CAST: variants seen among roughly 807,000 people sequenced by gnomAD.
The protein encoded by CAST is calpastatin.
CAST carries 76 observed loss-of-function variants against 119.6 expected under a neutral mutation model. The ratio of observed to expected loss-of-function variants is 0.64; its 90% confidence interval spans 0.53 to 0.77. CAST has a LOEUF of 0.77. CAST is among the 30% of genes least tolerant of loss of function. The probability of loss-of-function intolerance (pLI) is 0.00; values close to 1 mark genes in which losing one functional copy is unlikely to be tolerated. For synonymous variants in CAST, 319 were observed against 331.6 expected, an observed-to-expected ratio of 0.96 and a Z score of 0.41; for missense variants, 953 against 946.5, an observed-to-expected ratio of 1.01 and a Z score of -0.09.
At chr5:96,671,780 G>A (rs915222656) in intron 1 of CAST, among the ~76,000 whole-genome samples, 2 of 152,224 alleles carry the variant, frequency 1.3e-5, no homozygotes, top group African/African-American at 4.8e-5. Flanking sequence ...GCAGTTACAC[G>A]TAGTAGTGGT....
At chr5:96,559,741 G>T (rs1399391336) in intron 1 of CAST, among the ~76,000 whole-genome samples, 2 of 152,178 alleles carry the variant, frequency 1.3e-5, no homozygotes, top group Non-Finnish European at 2.9e-5. Flanking sequence ...CATGCTCATG[G>T]GTAGGAAGAA....
At chr5:96,062,909 G>A in the CAST span, among the ~76,000 whole-genome samples, 1 of 152,044 alleles carries the variant, frequency 6.6e-6, no homozygotes, top group Non-Finnish European at 1.5e-5. Context: ...GGATGAAGAG[G>A]GTCAAGAATG....
intron 4 of CAST, among the ~76,000 whole-genome samples, chr5:96,725,142 G>A (rs915093014): frequency 6.6e-6 from 1 of 152,160 alleles, no homozygotes; most frequent in African/African-American, 2.4e-5. Flanking sequence ...ACAAAAATAA[G>A]ATGCACGTAA....
the CAST span, among the ~76,000 whole-genome samples, chr5:96,477,785 C>G: frequency 6.6e-6 from 1 of 152,072 alleles, no homozygotes. Context: ...ATCAAGGGTT[C>G]TAAAAAGAGG....
At chr5:96,102,639 A>G in the CAST span, among the ~76,000 whole-genome samples, 3 of 151,582 alleles carry the variant, frequency 2.0e-5, no homozygotes, top group Admixed American at 6.6e-5. Flanking sequence ...TCCGGCCTCT[A>G]TCACTGTTAT....
the CAST span, among the ~76,000 whole-genome samples, chr5:96,519,517 A>G: frequency 6.6e-6 from 1 of 152,270 alleles, no homozygotes; most frequent in Admixed American, 6.5e-5. Flanking sequence ...CTTTTAATTG[A>G]AAGTTTGTCG....
the CAST span, among the ~76,000 whole-genome samples, chr5:96,249,112 A>C: frequency 6.6e-6 from 1 of 152,206 alleles, no homozygotes; most frequent in African/African-American, 2.4e-5. Flanking sequence ...TTTGTATGTC[A>C]TGGGGTGATA....
At chr5:96,043,913 C>T in the CAST span, among the ~76,000 whole-genome samples, 18 of 152,206 alleles carry the variant, frequency 1.2e-4, 1 homozygote, top group East Asian at 7.7e-4. Flanking sequence ...CAAACAAAAG[C>T]CCTGCTTCAC....
intron 19 of CAST, 152 bp downstream of exon 19, chr5:96,748,765 G>A: frequency 1.8e-6 from 1 of 558,334 alleles, no homozygotes; most frequent in Non-Finnish European, 3.2e-6. Context: ...TTTTGGATGT[G>A]CTTTCTGCCC....
At chr5:96,452,647 A>AAAT in the CAST span, among the ~76,000 whole-genome samples, 1 of 79,316 alleles carries the variant, frequency 1.3e-5, no homozygotes, top group African/African-American at 4.1e-5. Flanking sequence ...TAATAAAAAA[A>AAAT]AAAAAAAAAA....
the CAST span, among the ~76,000 whole-genome samples, chr5:95,964,228 C>A: frequency 6.6e-6 from 1 of 152,100 alleles, no homozygotes; most frequent in African/African-American, 2.4e-5. Flanking sequence ...ACACATTACG[C>A]CTGCCTGAAT....
the CAST span, among the ~76,000 whole-genome samples, chr5:95,981,659 T>A: frequency 0.077 from 11,760 of 152,102 alleles, 1,001 homozygotes; most frequent in African/African-American, 0.21. Flanking sequence ...GCGGATCACG[T>A]GGTCAAGAGA....
At chr5:96,102,603 C>T in the CAST span, among the ~76,000 whole-genome samples, 149 of 152,284 alleles carry the variant, frequency 9.8e-4, no homozygotes, top group African/African-American at 3.3e-3. Flanking sequence ...AGGGACCCGC[C>T]CCTGCCTGCC....
the CAST span, among the ~76,000 whole-genome samples, chr5:96,469,693 A>G: frequency 6.6e-6 from 1 of 151,788 alleles, no homozygotes; most frequent in Non-Finnish European, 1.5e-5. Context: ...GCATATATGC[A>G]TATGATTTAC....
the CAST span, among the ~76,000 whole-genome samples, chr5:96,090,158 T>G: frequency 6.6e-6 from 1 of 152,136 alleles, no homozygotes; most frequent in Admixed American, 6.5e-5. Flanking sequence ...CTAATTCCCT[T>G]CCCCTTGCAA....
chr5:96,336,545 C>T, the CAST span, among the ~76,000 whole-genome samples: 1 of 152,292 alleles, frequency 6.6e-6, no homozygotes, highest in East Asian at 1.9e-4. Flanking sequence ...CTTGTAAACC[C>T]GGCAGAACTT....
the CAST span, among the ~76,000 whole-genome samples, chr5:96,320,675 A>G: frequency 1.3e-5 from 2 of 152,194 alleles, no homozygotes; most frequent in African/African-American, 4.8e-5. Context: ...AGAAAAACAC[A>G]TTTAACTTGC....
the CAST span, among the ~76,000 whole-genome samples, chr5:96,493,362 A>G: frequency 6.6e-6 from 1 of 152,174 alleles, no homozygotes; most frequent in African/African-American, 2.4e-5. Flanking sequence ...TAAGGAATAG[A>G]GTGAAGAGTC....
the CAST span, among the ~76,000 whole-genome samples, chr5:96,152,746 T>C: frequency 2.0e-5 from 3 of 149,546 alleles, no homozygotes; most frequent in South Asian, 6.5e-4. Context: ...CCAAATACAG[T>C]GTAAAAAAAT....
Sources: gnomAD v4.1 joint callset for allele counts (sites outside exome capture counted in the v4.1 genomes callset) on GRCh38, gnomAD v4.1.1 for gene constraint, MANE v1.5 for transcripts, NCBI Gene and HGNC (gene_info 2026-07-23, HGNC 2026-07-21) for gene names.